Variants in MED12L observed in about 807,000 individuals in gnomAD.
MED12L encodes the protein mediator complex subunit 12L.
MED12L carries 60 observed loss-of-function variants against 281.3 expected under a neutral mutation model. The ratio of observed to expected loss-of-function variants is 0.21; its 90% confidence interval spans 0.17 to 0.26. The LOEUF (loss-of-function observed/expected upper bound fraction) is 0.26. Ranked by LOEUF, MED12L falls within the 10% of genes least tolerant of loss-of-function variation. The pLI is 1.00. For synonymous variants in MED12L, 974 were observed against 987.2 expected, an observed-to-expected ratio of 0.99 and a Z score of 0.25; for missense variants, 2,146 against 2,680.9, an observed-to-expected ratio of 0.80 and a Z score of 4.41.
chr3:151,156,809 G>A (rs1719349003), intron 6 of MED12L, among the ~76,000 whole-genome samples: 1 of 152,152 alleles, frequency 6.6e-6, no homozygotes, highest in Non-Finnish European at 1.5e-5. Context: ...ACAAGCTGAT[G>A]TAAATAATGT....
At chr3:151,087,259 C>G (rs931082120) in intron 2 of MED12L, among the ~76,000 whole-genome samples, 1 of 152,238 alleles carries the variant, frequency 6.6e-6, no homozygotes, top group Non-Finnish European at 1.5e-5. Context: ...GTCGCTTTCC[C>G]GTTGCCGGGC....
intron 26 of MED12L, among the ~76,000 whole-genome samples, chr3:151,370,919 C>G (rs756491241): frequency 6.6e-6 from 1 of 152,160 alleles, no homozygotes; most frequent in Admixed American, 6.5e-5. Flanking sequence ...CCTCTTCATC[C>G]ACATAATTTG....
chr3:151,435,068 T>C lies in MED12L; in HGVS notation c.*2264T>C, dbSNP rs1349713794. ...TCTGTATCTTGAGAGGTTTCTTTTT[T>C]TTTTTTTTTTTTTTCTTTTCTTGCA... On this transcript the variant is annotated 3_prime_UTR_variant, in exon 45 of 45. Coordinates refer to ENST00000687756, the MANE Select transcript of MED12L (RefSeq NM_001393769.1). 1.3e-5 allele frequency: 2 copies of C among 149,178 alleles called. No homozygotes were observed. The highest frequency in any genetic ancestry group is 3.5e-3 in the Middle Eastern group (1 of 288). 9.2% of individuals were successfully genotyped at this position (149,178 alleles called of 1,614,324 possible). A position where few individuals can be genotyped will look rare whatever the true frequency, so the allele number is the denominator to read the frequency against.
At chr3:151,332,533 A>C (rs1750465784) in intron 16 of MED12L, among the ~76,000 whole-genome samples, 1 of 152,260 alleles carries the variant, frequency 6.6e-6, no homozygotes, top group South Asian at 2.1e-4. Context: ...AAATATCTAC[A>C]TGTAGCTAGA....
intron 16 of MED12L, among the ~76,000 whole-genome samples, chr3:151,196,594 A>G (rs1724689616): frequency 6.6e-6 from 1 of 152,334 alleles, no homozygotes; most frequent in Non-Finnish European, 1.5e-5. Context: ...TTAGTGAACC[A>G]TGTTTCCTAG....
intron 16 of MED12L, among the ~76,000 whole-genome samples, chr3:151,268,589 A>AT (rs997679567): frequency 6.6e-6 from 1 of 152,156 alleles, no homozygotes; most frequent in African/African-American, 2.4e-5. Flanking sequence ...TTTGTTTCAA[A>AT]TTTTGTCTAA....
At chr3:151,283,849 A>G (rs767355178) in intron 16 of MED12L, among the ~76,000 whole-genome samples, 11 of 152,222 alleles carry the variant, frequency 7.2e-5, no homozygotes, top group Non-Finnish European at 1.2e-4. Flanking sequence ...AAATCATCTA[A>G]TCACTTGTAG....
chr3:151,397,524 A>G (rs931242384), intron 39 of MED12L, among the ~76,000 whole-genome samples: 2 of 152,218 alleles, frequency 1.3e-5, no homozygotes, highest in Non-Finnish European at 2.9e-5. Flanking sequence ...AGCTATTAAT[A>G]TAACTGGAAT....
At chr3:151,180,580 G>T (rs906582182) in intron 11 of MED12L, among the ~76,000 whole-genome samples, 8 of 152,174 alleles carry the variant, frequency 5.3e-5, no homozygotes, top group African/African-American at 1.9e-4. Context: ...TCTATTTCTA[G>T]CACATTCTGC....
chr3:151,384,248 C>T, intron 35 of MED12L, 30 bp downstream of exon 35: 1 of 1,567,274 alleles, frequency 6.4e-7, no homozygotes, highest in Non-Finnish European at 8.6e-7. Context: ...GTATTATGAG[C>T]TCAAGTTGTT....
chr3:151,231,954 CT>C, intron 16 of MED12L, among the ~76,000 whole-genome samples: 1 of 152,110 alleles, frequency 6.6e-6, no homozygotes, highest in East Asian at 1.9e-4. Context: ...TATTCATGGG[CT>C]TTTTTTGCTG....
intron 37 of MED12L, among the ~76,000 whole-genome samples, chr3:151,389,670 CA>C (rs1251648665): frequency 1.3e-5 from 2 of 152,166 alleles, no homozygotes; most frequent in East Asian, 3.9e-4. Flanking sequence ...GGTGCTTTTT[CA>C]GTGATGAGTG....
intron 5 of MED12L, among the ~76,000 whole-genome samples, chr3:151,145,529 GA>G (rs1183361340): frequency 6.6e-6 from 1 of 152,162 alleles, no homozygotes; most frequent in Non-Finnish European, 1.5e-5. Context: ...AAACTAAACT[GA>G]AAACTGGGAA....
chr3:151,228,559 A>G (rs1388320866), intron 16 of MED12L, among the ~76,000 whole-genome samples: 1 of 152,186 alleles, frequency 6.6e-6, no homozygotes. Context: ...AGCTTCCTCC[A>G]GTATGTGGCC....
rs776347208 is a variant in MED12L, at chr3:151,394,788, A to G, written c.5741A>G (p.Gln1914Arg). Residue 1914 changes from glutamine to arginine, a missense_variant, in exon 39 of 45, where the codon CAG (glutamine) becomes CGG (arginine). Physicochemically the swap from Gln to Arg is conservative, Grantham distance 43. Transcript: ENST00000687756. The stretch of plus-strand genomic sequence containing the variant: ...CTTCATGCAATCACATCGCAGCAGC[A>G]GTTGATACAGATGAAGCTTCTGCAG... ...PSLHAITSQQQLIQMKLLQQQ... is the reference protein window; with the variant it reads ...PSLHAITSQQRLIQMKLLQQQ... The G allele has an allele frequency of 5.6e-6, 9 of 1,614,194 alleles. No individual in the cohort carries two copies. Among genetic ancestry groups the G allele is most frequent in the Non-Finnish European group, 7.6e-6 (9 of 1,180,004 alleles).
chr3:151,322,898 C>G (rs575902729), intron 16 of MED12L, among the ~76,000 whole-genome samples: 49 of 152,184 alleles, frequency 3.2e-4, no homozygotes, highest in Non-Finnish European at 6.3e-4. Context: ...CCCTAGACCT[C>G]TAATCTTAGT....
intron 6 of MED12L, 45 bp from the exon 7 acceptor site, chr3:151,158,644 T>C (rs1361762078): frequency 1.5e-6 from 2 of 1,371,736 alleles, no homozygotes; most frequent in African/African-American, 1.5e-5. Context: ...TTTTTTGTTT[T>C]TTTTCTTTAA....
chr3:151,392,148 T>G (rs571381062), intron 38 of MED12L, among the ~76,000 whole-genome samples: 1 of 152,114 alleles, frequency 6.6e-6, no homozygotes. Context: ...TGAGGAACTT[T>G]AGGTGTGAGA....
At chr3:151,199,085 G>C (rs1453793893) in intron 16 of MED12L, 1 of 1,613,812 alleles carries the variant, frequency 6.2e-7, no homozygotes, top group Admixed American at 1.7e-5. Context: ...GAAGATAATT[G>C]ATAAATACAT....
Sources: allele counts gnomAD v4.1 joint callset (sites outside exome capture counted in the v4.1 genomes callset), GRCh38; gene constraint gnomAD v4.1.1; transcripts MANE v1.5; gene names NCBI Gene and HGNC (gene_info 2026-07-23, HGNC 2026-07-21).